The following HECW1 variants were observed in gnomAD, a reference collection of about 807,000 sequenced individuals.
HECW1 encodes the protein E3 ubiquitin-protein ligase HECW1.
Under a neutral mutation model 182.3 loss-of-function variants are expected in HECW1, and 61 were observed. That is an observed-to-expected ratio of 0.33 (90% CI 0.27 to 0.41). HECW1 has a LOEUF of 0.41. Ranked by LOEUF, HECW1 falls within the 10% of genes least tolerant of loss-of-function variation. The pLI, the probability that HECW1 is intolerant of heterozygous loss-of-function variation, is 1.00. For missense variants in HECW1, 1,739 were observed against 2,108.9 expected, an observed-to-expected ratio of 0.82 and a Z score of 3.44; for synonymous variants, 859 against 832.6, an observed-to-expected ratio of 1.03 and a Z score of -0.55.
intron 28 of HECW1, 47 bp from the exon 29 acceptor site, chr7:43,554,545 C>T: frequency 6.5e-7 from 1 of 1,533,846 alleles, no homozygotes; most frequent in South Asian, 1.2e-5. Flanking sequence ...TCACCCCTTC[C>T]TCTTTTCTCC....
chr7:43,367,485 C>T (rs1484002707), intron 6 of HECW1, among the ~76,000 whole-genome samples: 1 of 152,134 alleles, frequency 6.6e-6, no homozygotes, highest in Non-Finnish European at 1.5e-5. Flanking sequence ...TATTTATTCC[C>T]TTCATAAATG....
intron 6 of HECW1, among the ~76,000 whole-genome samples, chr7:43,394,265 G>A (rs1197741091): frequency 1.3e-5 from 2 of 152,176 alleles, no homozygotes; most frequent in Non-Finnish European, 2.9e-5. Context: ...TGAGGATGTG[G>A]TCTCTGAACT....
chr7:43,542,276 G>A (rs570131253), intron 26 of HECW1, among the ~76,000 whole-genome samples: 1 of 152,146 alleles, frequency 6.6e-6, no homozygotes, highest in African/African-American at 2.4e-5. Flanking sequence ...CTTCATATAA[G>A]TGGAATTATA....
intron 15 of HECW1, 130 bp downstream of exon 15, chr7:43,466,698 C>A: frequency 1.9e-6 from 2 of 1,075,730 alleles, no homozygotes; most frequent in Non-Finnish European, 1.3e-6. Flanking sequence ...GAAAACAGCT[C>A]AGTCCACTCT....
intron 2 of HECW1, among the ~76,000 whole-genome samples, chr7:43,144,099 T>C (rs74396683): frequency 0.025 from 3,733 of 152,292 alleles, 150 homozygotes; most frequent in African/African-American, 0.082. Context: ...ACCTGTTGGC[T>C]GTAAGAGTTT....
At chr7:43,406,747 G>T (rs2075623550) in intron 7 of HECW1, among the ~76,000 whole-genome samples, 1 of 152,008 alleles carries the variant, frequency 6.6e-6, no homozygotes, top group African/African-American at 2.4e-5. Context: ...GCGAAAATCT[G>T]TCTCTACTAA....
chr7:43,546,219 CTTTTTTTTT>C lies in HECW1; in HGVS notation c.4249-4211_4249-4203del, dbSNP rs34255651. Among the ~76,000 whole-genome samples the C allele has an allele frequency of 4.0e-4, 37 of 91,892 alleles. 1 individual carries two copies. In the East Asian group the frequency reaches 6.9e-3, roughly 17 times the overall value. 60.3% of individuals were successfully genotyped at this position (91,892 alleles called of 152,430 possible). On this transcript the variant is annotated intron_variant, in intron 26 of 29. Transcript: ENST00000395891. ...TATCTTGAAACCCTTTACCCCCAACCTTTTTTTTTTTTTTTTTTTTTTTGCCATATCCAC... is the reference window on the plus strand; with the variant it reads ...TATCTTGAAACCCTTTACCCCCAACCTTTTTTTTTTTTTTGCCATATCCAC...
chr7:43,137,237 A>G (rs1352775040), intron 2 of HECW1, among the ~76,000 whole-genome samples: 1 of 152,122 alleles, frequency 6.6e-6, no homozygotes, highest in Non-Finnish European at 1.5e-5. Context: ...CCCTCCCAGC[A>G]GGCATGTCAA....
chr7:43,239,524 C>T (rs1347724371), intron 2 of HECW1, among the ~76,000 whole-genome samples: 1 of 152,160 alleles, frequency 6.6e-6, no homozygotes, highest in Non-Finnish European at 1.5e-5. Flanking sequence ...CCGTAAATTT[C>T]CTTGAGGGGT....
At chr7:43,459,292 A>G (rs2077503043) in intron 13 of HECW1, among the ~76,000 whole-genome samples, 1 of 152,232 alleles carries the variant, frequency 6.6e-6, no homozygotes, top group African/African-American at 2.4e-5. Context: ...GTGTGGTACC[A>G]GAAGTTTAAT....
chr7:43,371,850 G>A (rs772583528), intron 6 of HECW1, among the ~76,000 whole-genome samples: 6 of 152,064 alleles, frequency 3.9e-5, no homozygotes, highest in East Asian at 3.9e-4. Context: ...ACAGAGTTTC[G>A]TTCTTGTTGC....
intron 12 of HECW1, among the ~76,000 whole-genome samples, chr7:43,453,490 C>T (rs115459170): frequency 2.9e-4 from 44 of 152,224 alleles, no homozygotes; most frequent in African/African-American, 1.1e-3. Flanking sequence ...TTTCGATCAT[C>T]CTGTGTTTGA....
At chr7:43,325,590 G>A (rs1810653467) in intron 5 of HECW1, among the ~76,000 whole-genome samples, 1 of 152,202 alleles carries the variant, frequency 6.6e-6, no homozygotes, top group African/African-American at 2.4e-5. Context: ...AGAGACCACT[G>A]CCAAAGGGGC....
chr7:43,119,439 C>T (rs918067036), intron 2 of HECW1, among the ~76,000 whole-genome samples: 9 of 152,192 alleles, frequency 5.9e-5, no homozygotes, highest in Non-Finnish European at 1.3e-4. Flanking sequence ...GTTTTTATCC[C>T]GATTGATCTC....
intron 26 of HECW1, among the ~76,000 whole-genome samples, chr7:43,543,781 C>CA (rs35618213): frequency 0.044 from 2,199 of 49,438 alleles, 57 homozygotes; most frequent in African/African-American, 0.12. Context: ...CTCCATCTCA[C>CA]AAAAAAAAAA....
chr7:43,241,378 T>C (rs1168021021), intron 2 of HECW1: 2 of 152,184 alleles, frequency 1.3e-5, no homozygotes, highest in Non-Finnish European at 2.9e-5. Flanking sequence ...GAGCTGGAGC[T>C]GGATCCTTTT....
chr7:43,473,156 C>A (rs1214288804), intron 16 of HECW1, among the ~76,000 whole-genome samples: 1 of 152,196 alleles, frequency 6.6e-6, no homozygotes, highest in African/African-American at 2.4e-5. Context: ...CCACCCTCTA[C>A]CCCCACTCTG....
chr7:43,451,647 A>G (rs1347864702), intron 12 of HECW1, among the ~76,000 whole-genome samples: 1 of 152,230 alleles, frequency 6.6e-6, no homozygotes, highest in Non-Finnish European at 1.5e-5. Flanking sequence ...TGACCTAGAT[A>G]GTCTCTAGAT....
At chr7:43,447,991 T>C (rs1033088289) in intron 11 of HECW1, among the ~76,000 whole-genome samples, 3 of 151,328 alleles carry the variant, frequency 2.0e-5, no homozygotes, top group African/African-American at 7.3e-5. Context: ...AAATATTAGC[T>C]GGGCACGGTG....
Sources: allele counts gnomAD v4.1 joint callset (sites outside exome capture counted in the v4.1 genomes callset), GRCh38; gene constraint gnomAD v4.1.1; transcripts MANE v1.5; gene names NCBI Gene and HGNC (gene_info 2026-07-23, HGNC 2026-07-21).